Variants in MMP10 observed in about 807,000 individuals in gnomAD.
MMP10 encodes the protein stromelysin-2.
MMP10 carries 50 observed loss-of-function variants against 49.1 expected under a neutral mutation model. The ratio of observed to expected loss-of-function variants is 1.02; its 90% CI spans 0.81 to 1.29. The LOEUF is 1.29. Ranked by LOEUF, MMP10 falls within the 50% of genes most tolerant of loss-of-function variation. MMP10 has a pLI of 0.00. For synonymous variants in MMP10, 229 were observed against 201.6 expected (o/e 1.14, Z -1.15); for missense variants, 613 against 563.8 (o/e 1.09, Z -0.88).
intron 7 of MMP10, among the ~76,000 whole-genome samples, chr11:102,774,827 G>T (rs1862005982): frequency 6.6e-6 from 1 of 152,108 alleles, no homozygotes; most frequent in Non-Finnish European, 1.5e-5. Context: ...TAATAAGATG[G>T]GTTCACCAGG....
At chr11:102,776,157 A>G (rs754085927) in intron 6 of MMP10, 123 bp downstream of exon 6, 25 of 811,720 alleles carry the variant, frequency 3.1e-5, no homozygotes, top group African/African-American at 5.2e-5. Flanking sequence ...TATCTATATA[A>G]CAAACCTGCA....
At chr11:102,775,601 G>A (rs1377825620) in intron 6 of MMP10, among the ~76,000 whole-genome samples, 2 of 152,262 alleles carry the variant, frequency 1.3e-5, no homozygotes, top group Non-Finnish European at 2.9e-5. Flanking sequence ...TTGTATATGA[G>A]TAGAACATTT....
chr11:102,780,355 TGTTA>T (rs1857812534), intron 1 of MMP10, 128 bp downstream of exon 1: 4 of 704,280 alleles, frequency 5.7e-6, no homozygotes, highest in Non-Finnish European at 9.8e-6. Flanking sequence ...ACCTCCAGCC[TGTTA>T]ATTATTCTCT....
In MMP10 at chr11:102,779,003, C is replaced by G. The variant is rs540255860; in HGVS notation, c.496+210G>C. Among the ~76,000 whole-genome samples the G allele has an allele frequency of 3.3e-5, 5 of 152,338 alleles. No homozygotes were observed. The East Asian group carries it at 9.6e-4, about 29-fold the overall frequency. ...GCTTGAGGGAACCTCCTGGCCCTTT[C>G]TATCGTGTGAGGACACAGAAGGTAC... On this transcript the variant is annotated intron_variant, in intron 3 of 9. Transcript: ENST00000279441.
At chr11:102,773,166 G>GTGAA (rs17860989) in intron 7 of MMP10, among the ~76,000 whole-genome samples, 160 bp from the exon 8 acceptor site, 10 of 152,294 alleles carry the variant, frequency 6.6e-5, no homozygotes, top group Admixed American at 4.6e-4. Flanking sequence ...GAATGAGCGA[G>GTGAA]TGAATGAATG....
At chr11:102,776,191 A>T (rs549990754) in intron 6 of MMP10, 89 bp downstream of exon 6, 134 of 1,061,172 alleles carry the variant, frequency 1.3e-4, no homozygotes, top group East Asian at 3.6e-4. Flanking sequence ...ACCTAAAATT[A>T]AAAAAAAAGC....
chr11:102,774,759 G>A (rs1862005275), intron 7 of MMP10, among the ~76,000 whole-genome samples: 1 of 152,130 alleles, frequency 6.6e-6, no homozygotes, highest in Non-Finnish European at 1.5e-5. Context: ...ATCTCTCCCT[G>A]CACTGATACT....
chr11:102,771,501 C>G (rs573983122), intron 9 of MMP10, among the ~76,000 whole-genome samples: 1 of 152,246 alleles, frequency 6.6e-6, no homozygotes, highest in South Asian at 2.1e-4. Flanking sequence ...TCCTATTTGC[C>G]CATTACCAGG....
At chr11:102,771,548 T>C (rs962240307) in intron 9 of MMP10, among the ~76,000 whole-genome samples, 12 of 152,206 alleles carry the variant, frequency 7.9e-5, no homozygotes, top group African/African-American at 2.9e-4. Flanking sequence ...ATGGGAGGAC[T>C]AGTATTTTAT....
intron 9 of MMP10, 92 bp downstream of exon 9, chr11:102,771,920 G>T: frequency 2.5e-6 from 2 of 813,684 alleles, no homozygotes; most frequent in Non-Finnish European, 4.1e-6. Context: ...CAGACTGAAT[G>T]ATTTAAAAAC....
intron 4 of MMP10, among the ~76,000 whole-genome samples, chr11:102,777,332 C>T (rs1254868222): frequency 4.0e-5 from 6 of 151,888 alleles, no homozygotes; most frequent in Non-Finnish European, 8.8e-5. Context: ...CTCATTCTGT[C>T]GCCCAGGCTG....
At chr11:102,776,845 T>C in intron 4 of MMP10, 69 bp from the exon 5 acceptor site, 1 of 1,584,278 alleles carries the variant, frequency 6.3e-7, no homozygotes, top group Non-Finnish European at 8.6e-7. Context: ...ACAGAACATA[T>C]GCCAGCTGTA....
chr11:102,775,821 C>G (rs1326467782), intron 6 of MMP10, among the ~76,000 whole-genome samples: 1 of 152,028 alleles, frequency 6.6e-6, no homozygotes, highest in Non-Finnish European at 1.5e-5. Flanking sequence ...CACCCTGCTT[C>G]TAAGGATCCA....
intron 7 of MMP10, among the ~76,000 whole-genome samples, chr11:102,774,919 C>A (rs1404940091): frequency 5.3e-5 from 8 of 152,124 alleles, no homozygotes; most frequent in Admixed American, 3.3e-4. Context: ...AATCTTTTGG[C>A]ATTTGGTATT....
chr11:102,780,532 C>G lies in MMP10; in HGVS notation c.60G>C (p.Leu20=), dbSNP rs1307048885. The G allele has an allele frequency of 6.2e-7, 1 of 1,613,906 alleles. No individual in the cohort carries two copies. Among genetic ancestry groups the G allele is most frequent in the Non-Finnish European group, 8.5e-7 (1 of 1,179,978 alleles). The change falls in exon 1 of 10, where the codon CTG becomes CTC. Residue 20 remains leucine (L), a synonymous_variant. Coordinates refer to ENST00000279441, the MANE Select transcript of MMP10 (RefSeq NM_002425.3). ...LCLPVCSAYP[L]SGAAKEEDSN... is the part of the protein sequence containing the mutation. ...AGTCCTCCTCTTTTGCTGCCCCACT[C>G]AGAGGATAGGCAGAGCAGACTGGCA...
intron 4 of MMP10, among the ~76,000 whole-genome samples, chr11:102,778,370 G>T (rs919375767): frequency 2.0e-5 from 3 of 152,156 alleles, no homozygotes; most frequent in Non-Finnish European, 4.4e-5. Context: ...ACCCCCACAA[G>T]ATCCTGAGTT....
Position 102,779,644 on chromosome 11 carries a change from G to A in MMP10, c.207C>T (p.Phe69=). 6.2e-7 allele frequency: 1 copy of A among 1,613,962 alleles called. No individual in the cohort carries two copies. The highest frequency in any genetic ancestry group is 8.5e-7 in the Non-Finnish European group (1 of 1,179,970). ...IVKKIQGMQK[F]LGLEVTGKLD... ...GCTTCCCTGTCACCTCCAACCCAAGGAACTTCTGCATTCCTTGGATTTTTT... is the reference window on the plus strand; with the variant it reads ...GCTTCCCTGTCACCTCCAACCCAAGAAACTTCTGCATTCCTTGGATTTTTT... Residue 69 remains phenylalanine (F), a synonymous_variant, in exon 2 of 10, where the codon TTC becomes TTT. Coordinates refer to ENST00000279441, the MANE Select transcript of MMP10 (RefSeq NM_002425.3).
chr11:102,779,820 T>C, intron 1 of MMP10, 75 bp from the exon 2 acceptor site: 1 of 1,497,028 alleles, frequency 6.7e-7, no homozygotes, highest in Non-Finnish European at 9.0e-7. Flanking sequence ...TCCATCGTAA[T>C]TTTCCTCTAG....
Position 102,771,812 on chromosome 11 carries a change from AACACACACACAC to A in MMP10, c.1330+188_1330+199del, listed in dbSNP as rs61090976. On this transcript the variant is annotated intron_variant, in intron 9 of 9. Coordinates refer to ENST00000279441, the MANE Select transcript of MMP10 (RefSeq NM_002425.3). ...CAGAGACTAGGAAGTTATTCAGGAA[AACACACACACAC>A]ACACACACACACACACACAAATTTA... 5.3e-5 allele frequency among the ~76,000 whole-genome samples: 8 copies of A among 150,190 alleles called. 1 individual carries two copies. The highest frequency in any genetic ancestry group is 6.9e-3 in the Middle Eastern group (2 of 288).
Sources: allele counts gnomAD v4.1 joint callset (sites outside exome capture counted in the v4.1 genomes callset), GRCh38; gene constraint gnomAD v4.1.1; transcripts MANE v1.5; gene names NCBI Gene and HGNC (gene_info 2026-07-23, HGNC 2026-07-21).